Variants in DCC observed in about 807,000 individuals in gnomAD.
The protein encoded by DCC is netrin receptor DCC.
In DCC, 58 loss-of-function variants were observed where a neutral mutation model predicts 172.5. The ratio of observed to expected loss-of-function variants is 0.34; its 90% CI spans 0.27 to 0.42. The LOEUF is 0.42. Among genes scored for constraint, DCC ranks in the 10% least tolerant of loss-of-function variants. DCC has a pLI of 1.00. For missense variants in DCC, 1,740 were observed against 1,791.0 expected (o/e 0.97, Z 0.51); for synonymous variants, 709 against 644.5 (o/e 1.10, Z -1.52).
intron 1 of DCC, among the ~76,000 whole-genome samples, chr18:52,375,404 A>G (rs1458061253): frequency 1.3e-5 from 2 of 152,236 alleles, no homozygotes; most frequent in African/African-American, 4.8e-5. Flanking sequence ...TAGTAGTATA[A>G]TGAAATAATG....
At chr18:52,435,962 C>T (rs559274478) in intron 1 of DCC, among the ~76,000 whole-genome samples, 1 of 152,340 alleles carries the variant, frequency 6.6e-6, no homozygotes, top group South Asian at 2.1e-4. Context: ...TGACCCATGG[C>T]AACCATCTCC....
chr18:52,487,424 A>C (rs981864739), intron 1 of DCC, among the ~76,000 whole-genome samples: 3 of 152,158 alleles, frequency 2.0e-5, no homozygotes, highest in Non-Finnish European at 2.9e-5. Context: ...AGAAAATACT[A>C]TCTGCTCATT....
chr18:52,788,290 A>T (rs114543485), intron 2 of DCC, among the ~76,000 whole-genome samples: 1 of 152,182 alleles, frequency 6.6e-6, no homozygotes. Flanking sequence ...CACATGTTGC[A>T]CTGTTAACTC....
At chr18:52,902,528 T>G (rs116543666) in intron 2 of DCC, among the ~76,000 whole-genome samples, 301 of 152,312 alleles carry the variant, frequency 2.0e-3, no homozygotes, top group African/African-American at 6.7e-3. Flanking sequence ...GGATGAAGCT[T>G]GGGAATCATT....
chr18:52,828,112 G>C (rs534614882), intron 2 of DCC, among the ~76,000 whole-genome samples: 30 of 152,138 alleles, frequency 2.0e-4, no homozygotes, highest in African/African-American at 6.0e-4. Context: ...AATGGAACAT[G>C]GTATACATTA....
At chr18:52,629,631 A>G (rs544723594) in intron 1 of DCC, among the ~76,000 whole-genome samples, 1 of 152,254 alleles carries the variant, frequency 6.6e-6, no homozygotes, top group African/African-American at 2.4e-5. Flanking sequence ...CCTGCCCAAT[A>G]TGGTGAAACC....
At position 53,467,968 on chromosome 18, in the gene DCC, G is replaced by T. The variant is rs1333327835; in HGVS notation, c.3694G>T (p.Ala1232Ser). 1.9e-6 allele frequency: 3 copies of T among 1,611,882 alleles called. No homozygotes were observed. Among genetic ancestry groups the T allele is most frequent in the Admixed American group, 1.7e-5 (1 of 60,008 alleles). ...RSLAARRAPR[A>S]KLMIPMDAQS... ...GCTGGCTGCACGCCGAGCCCCCCGG[G>T]CCAAGCTCATGATTCCCATGGATGC... Residue 1232 changes from alanine (A) to serine (S), a missense_variant, in exon 25 of 29, where the codon GCC becomes TCC. Physicochemically the swap from Ala to Ser is moderately conservative, Grantham distance 99 (BLOSUM62 1). This residue lies in a region of DCC where 1,732 missense variants were observed against 1,767.4 expected (regional missense o/e 0.98). Coordinates refer to ENST00000442544, the MANE Select transcript of DCC (RefSeq NM_005215.4).
In DCC at chr18:53,259,820, C is replaced by T. The variant is rs530361154; in HGVS notation, c.1911+44223C>T. The stretch of plus-strand genomic sequence containing the variant: ...CTGCAGTATGTTTTCCAACTTGGTT[C>T]CATTCTCCCTGTCACTTTCAGGTAC... On this transcript the variant is annotated intron_variant, in intron 12 of 28. Transcript: ENST00000442544. Among the ~76,000 whole-genome samples, 43 of 152,256 alleles carry T rather than the reference C, an allele frequency of 2.8e-4. 1 individual carries two copies. The Middle Eastern group carries it at 0.01, about 36-fold the overall frequency.
At position 53,182,947 on chromosome 18, in the gene DCC, C is replaced by T. The variant is rs764516436; in HGVS notation, c.1573+3831C>T. On this transcript the variant is annotated intron_variant, in intron 9 of 28. Transcript: ENST00000442544. ...AGTGGCAAGATCAGGTTAAAGAAAA[C>T]GTTTTCATCAATATTTCTTTTCTGA... 1.5e-4 allele frequency among the ~76,000 whole-genome samples: 23 copies of T among 152,082 alleles called. 1 individual carries two copies. The highest frequency in any genetic ancestry group is 2.0e-4 in the Admixed American group (3 of 15,260).
intron 1 of DCC, among the ~76,000 whole-genome samples, chr18:52,725,583 A>G (rs1177096911): frequency 6.6e-6 from 1 of 152,146 alleles, no homozygotes; most frequent in Non-Finnish European, 1.5e-5. Context: ...AATGAGAAAG[A>G]TGGTGTAAAT....
At chr18:52,681,434 T>C (rs777515682) in intron 1 of DCC, among the ~76,000 whole-genome samples, 1 of 152,110 alleles carries the variant, frequency 6.6e-6, no homozygotes, top group Non-Finnish European at 1.5e-5. Context: ...TACTCATTAA[T>C]TTGATTGACA....
At chr18:53,377,763 T>C (rs563831325) in intron 15 of DCC, among the ~76,000 whole-genome samples, 136 of 152,304 alleles carry the variant, frequency 8.9e-4, no homozygotes, top group Non-Finnish European at 1.3e-3. Context: ...AAAAAGAGAA[T>C]GAGGAGGAGT....
chr18:52,642,046 ACTGTGGTGTGTGTGTG>A (rs370773497), intron 1 of DCC, among the ~76,000 whole-genome samples: 4,544 of 15,006 alleles, frequency 0.3, 223 homozygotes, highest in East Asian at 0.45. Context: ...ATATATATAT[ACTGTGGTGTGTGTGTG>A]TATATATATA....
chr18:53,273,253 A>G (rs1598970884), intron 12 of DCC, among the ~76,000 whole-genome samples: 1 of 152,142 alleles, frequency 6.6e-6, no homozygotes, highest in Admixed American at 6.6e-5. Context: ...TTTTTTCATA[A>G]TATGAAATTA....
chr18:52,645,915 C>T (rs1416809775), intron 1 of DCC, among the ~76,000 whole-genome samples: 1 of 152,158 alleles, frequency 6.6e-6, no homozygotes, highest in African/African-American at 2.4e-5. Context: ...GTGTTATTCT[C>T]AAAGCATTTG....
In DCC at chr18:53,530,556, C is replaced by G. The variant is rs766590584; in HGVS notation, c.4255-8C>G. The G allele has an allele frequency of 6.8e-7, 1 of 1,473,136 alleles. No homozygotes were observed. The highest frequency in any genetic ancestry group is 1.1e-5 in the South Asian group (1 of 88,242). 91.3% of individuals were successfully genotyped at this position (1,473,136 alleles called of 1,614,324 possible). On this transcript the variant is annotated splice_polypyrimidine_tract_variant and splice_region_variant and intron_variant, in intron 28 of 28. Transcript: ENST00000442544. ...GTTACTAACTCTTGGCTCTCATTCTCTTTATAGGTGTATGAACAGGATGAT... is the reference window on the plus strand; with the variant it reads ...GTTACTAACTCTTGGCTCTCATTCTGTTTATAGGTGTATGAACAGGATGAT...
chr18:53,431,180 T>A (rs1462901928), intron 21 of DCC, among the ~76,000 whole-genome samples: 1 of 152,044 alleles, frequency 6.6e-6, no homozygotes, highest in African/African-American at 2.4e-5. Flanking sequence ...ATTTAATATT[T>A]ATTTAATTTT....
chr18:53,101,787 C>T (rs2043175219), intron 7 of DCC, among the ~76,000 whole-genome samples: 1 of 150,912 alleles, frequency 6.6e-6, no homozygotes, highest in South Asian at 2.1e-4. Context: ...GGCAGTGCTT[C>T]CTGACTACCA....
intron 7 of DCC, among the ~76,000 whole-genome samples, chr18:53,120,932 T>C (rs1021245814): frequency 4.6e-5 from 7 of 152,014 alleles, no homozygotes; most frequent in African/African-American, 1.4e-4. Flanking sequence ...TAGAAAAACA[T>C]TGAAGTAAGA....
Sources: gnomAD v4.1 joint callset for allele counts (sites outside exome capture counted in the v4.1 genomes callset) on GRCh38, gnomAD v4.1.1 for gene constraint, gnomAD v4.1.1 regional missense constraint, MANE v1.5 for transcripts, NCBI Gene and HGNC (gene_info 2026-07-23, HGNC 2026-07-21) for gene names.